Variants in RACGAP1 observed in about 807,000 individuals in gnomAD.
RACGAP1 encodes Rac GTPase activating protein 1, also known as rac GTPase-activating protein 1.
A neutral mutation model predicts 78.1 loss-of-function variants in RACGAP1; 30 were observed. That is an observed-to-expected ratio of 0.38 (90% CI 0.29 to 0.52). The LOEUF is 0.52. Ranked by LOEUF, RACGAP1 falls within the 20% of genes least tolerant of loss-of-function variation. The pLI is 0.82. For missense variants in RACGAP1, 587 were observed against 777.1 expected (o/e 0.76, Z 2.91); for synonymous variants, 231 against 264.8 (o/e 0.87, Z 1.24).
At chr12:50,021,031 A>G (rs1949979028) in intron 1 of RACGAP1, 1 of 811,858 alleles carries the variant, frequency 1.2e-6, no homozygotes, top group Admixed American at 6.2e-5. Context: ...TCTCAGCCAA[A>G]TTGTAACTCA....
intron 1 of RACGAP1, among the ~76,000 whole-genome samples, chr12:50,021,906 G>A (rs533924289): frequency 6.6e-6 from 1 of 152,330 alleles, no homozygotes; most frequent in African/African-American, 2.4e-5. Context: ...TCCAGCTTCT[G>A]CTTCACTGTA....
intron 1 of RACGAP1, chr12:50,025,181 C>T: frequency 3.9e-6 from 2 of 509,422 alleles, no homozygotes; most frequent in Non-Finnish European, 5.1e-6. Flanking sequence ...AAACCCGGCG[C>T]CAAGACAGAA....
At chr12:50,029,357 G>C (rs12322797), upstream of RACGAP1, among the ~76,000 whole-genome samples, 8,320 of 152,012 alleles carry the variant, frequency 0.055, 773 homozygotes, top group African/African-American at 0.19. Context: ...CTGCACACCA[G>C]CCTGGCAACA....
chr12:50,018,474 G>A, intron 1 of RACGAP1: 2 of 1,155,020 alleles, frequency 1.7e-6, no homozygotes, highest in Non-Finnish European at 2.3e-6. Context: ...GGAATTCATG[G>A]AGATGCCATG....
Position 49,989,255 on chromosome 12 carries a change from G to C in RACGAP1, c.*1013C>G. ...TCAATACGAAGTCAAACATTCTACA[G>C]AAGAAAATCGTTTTTACAGACATTA... On this transcript the variant is annotated 3_prime_UTR_variant, in exon 17 of 17. Coordinates refer to ENST00000312377, the MANE Select transcript of RACGAP1 (RefSeq NM_001319999.2). 1 of 152,146 alleles carries C rather than the reference G, an allele frequency of 6.6e-6. No homozygotes were observed. The highest frequency in any genetic ancestry group is 1.5e-5 in the Non-Finnish European group (1 of 68,030). 9.4% of individuals were successfully genotyped at this position (152,146 alleles called of 1,614,324 possible).
At chr12:50,007,035 T>C (rs1341237993) in intron 2 of RACGAP1, among the ~76,000 whole-genome samples, 1 of 152,172 alleles carries the variant, frequency 6.6e-6, no homozygotes, top group African/African-American at 2.4e-5. Flanking sequence ...TCCTTTACAG[T>C]CACGCATTGC....
rs563564177 is a variant in RACGAP1, at chr12:50,032,791, T to A, written c.-195+179A>T. 2.0e-5 allele frequency among the ~76,000 whole-genome samples: 3 copies of A among 152,270 alleles called. No individual in the cohort carries two copies. The East Asian group carries it at 5.8e-4, about 29-fold the overall frequency. On this transcript the variant is annotated intron_variant, in intron 1 of 3. Coordinates refer to the RACGAP1 transcript ENST00000548247. Reference sequence around the variant, plus strand: ...TGTCCGGCGAGACGCGCGCTCTGAGTGCTTCCGAGGTGCGGGAGAGGTCAG... The same window carrying A: ...TGTCCGGCGAGACGCGCGCTCTGAGAGCTTCCGAGGTGCGGGAGAGGTCAG...
At chr12:50,025,504 CCAAT>C (rs1320454340), upstream of RACGAP1, 1 of 985,450 alleles carries the variant, frequency 1.0e-6, no homozygotes, top group Non-Finnish European at 1.2e-6. Context: ...CCTTCACCAA[CCAAT>C]CACAGAGAAA....
intron 2 of RACGAP1, among the ~76,000 whole-genome samples, chr12:50,012,253 C>T (rs1163055704): frequency 6.6e-6 from 1 of 152,244 alleles, no homozygotes; most frequent in East Asian, 1.9e-4. Context: ...GTGGTGAAAC[C>T]CTGTCTCTAC....
intron 9 of RACGAP1, among the ~76,000 whole-genome samples, chr12:49,998,833 G>A (rs1399986415): frequency 6.6e-6 from 1 of 151,926 alleles, no homozygotes; most frequent in Non-Finnish European, 1.5e-5. Flanking sequence ...GGGAGGTTAA[G>A]GCTACAGTGA....
upstream of RACGAP1, among the ~76,000 whole-genome samples, chr12:50,030,183 C>A (rs974221933): frequency 5.9e-5 from 9 of 152,062 alleles, no homozygotes; most frequent in African/African-American, 2.2e-4. Flanking sequence ...AACAAACTTG[C>A]TTTCATTTAA....
chr12:50,011,454 C>T (rs1056971631), intron 2 of RACGAP1, among the ~76,000 whole-genome samples: 32 of 151,812 alleles, frequency 2.1e-4, no homozygotes, highest in African/African-American at 7.7e-4. Context: ...TGCCCAGGTG[C>T]GGTAGCTCAC....
chr12:50,025,699 C>A, upstream of RACGAP1: 1 of 242,338 alleles, frequency 4.1e-6, no homozygotes, highest in Non-Finnish European at 6.6e-6. Flanking sequence ...TTCCGGAAGT[C>A]ATTCAGGATG....
chr12:50,030,365 A>C (rs1362280259), upstream of RACGAP1, among the ~76,000 whole-genome samples: 1 of 147,962 alleles, frequency 6.8e-6, no homozygotes. Context: ...AAAAAAAAAA[A>C]AGCAGCTATA....
At chr12:50,009,173 G>C (rs1028438367) in intron 2 of RACGAP1, among the ~76,000 whole-genome samples, 1 of 148,826 alleles carries the variant, frequency 6.7e-6, no homozygotes, top group African/African-American at 2.5e-5. Flanking sequence ...ACTCGAGGAG[G>C]CAGAAGTCGC....
chr12:50,003,687 C>T (rs1167485637), intron 5 of RACGAP1, among the ~76,000 whole-genome samples: 2 of 152,114 alleles, frequency 1.3e-5, no homozygotes, highest in African/African-American at 4.8e-5. Context: ...AGAAGTGTGC[C>T]GCCCCATAAA....
At position 50,013,247 on chromosome 12, in the gene RACGAP1, A is replaced by G. The variant is rs986730471; in HGVS notation, c.85+3384T>C. 1.1e-4 allele frequency among the ~76,000 whole-genome samples: 16 copies of G among 152,214 alleles called. No individual in the cohort carries two copies. In the East Asian group the frequency reaches 1.7e-3, roughly 16 times the overall value. ...GAGATTTTTGGCATAATCATTTCCC[A>G]AAGTATTTTCACAACTAATATCTCA... On this transcript the variant is annotated intron_variant, in intron 2 of 16. Coordinates refer to ENST00000312377, the MANE Select transcript of RACGAP1 (RefSeq NM_001319999.2).
chr12:50,020,464 G>C (rs977529211), intron 1 of RACGAP1, among the ~76,000 whole-genome samples: 1 of 151,938 alleles, frequency 6.6e-6, no homozygotes, highest in East Asian at 1.9e-4. Context: ...GATTACAGGC[G>C]TGAGCCACCA....
At chr12:49,999,832 T>A in intron 7 of RACGAP1, 99 bp from the exon 8 acceptor site, 6 of 935,106 alleles carry the variant, frequency 6.4e-6, no homozygotes, top group Non-Finnish European at 8.6e-6. Context: ...TTAGTCTTAG[T>A]CAAGACTTAA....
Sources: gnomAD v4.1 joint callset for allele counts (sites outside exome capture counted in the v4.1 genomes callset) on GRCh38, gnomAD v4.1.1 for gene constraint, MANE v1.5 for transcripts, NCBI Gene and HGNC (gene_info 2026-07-23, HGNC 2026-07-21) for gene names.